Variants in TTLL11 observed in about 807,000 individuals in gnomAD.
TTLL11 encodes the protein tubulin polyglutamylase TTLL11.
In TTLL11, 42 loss-of-function variants were observed where a neutral mutation model predicts 51.7. That is an observed-to-expected ratio of 0.81 (90% CI 0.64 to 1.05). TTLL11 has a LOEUF of 1.05. Among genes scored for constraint, TTLL11 ranks in the 50% least tolerant of loss-of-function variants. The pLI, the probability that TTLL11 is intolerant of heterozygous loss-of-function variation, is 0.00. For missense variants in TTLL11, 799 were observed against 940.4 expected (o/e 0.85, Z 1.97); for synonymous variants, 381 against 383.5 (o/e 0.99, Z 0.08).
At chr9:122,010,082 C>A (rs1035184080) in intron 3 of TTLL11, among the ~76,000 whole-genome samples, 1 of 152,074 alleles carries the variant, frequency 6.6e-6, no homozygotes, top group Non-Finnish European at 1.5e-5. Flanking sequence ...TTTTTCTTAA[C>A]ATTATTTCAT....
chr9:121,885,948 C>G (rs1016176717), intron 6 of TTLL11, among the ~76,000 whole-genome samples: 2 of 152,310 alleles, frequency 1.3e-5, no homozygotes, highest in Admixed American at 1.3e-4. Flanking sequence ...AGGCTGGCCT[C>G]TAACTCCTGG....
intron 3 of TTLL11, among the ~76,000 whole-genome samples, chr9:122,020,756 C>CAGCT (rs1041302305): frequency 2.0e-5 from 3 of 152,188 alleles, no homozygotes; most frequent in African/African-American, 4.8e-5. Flanking sequence ...AGGAGGAAGG[C>CAGCT]AGCTAGTCCT....
intron 1 of TTLL11, among the ~76,000 whole-genome samples, chr9:122,040,819 T>C (rs1420086130): frequency 5.3e-5 from 8 of 152,258 alleles, no homozygotes; most frequent in Non-Finnish European, 1.5e-5. Flanking sequence ...AACTTCCATC[T>C]ATAATTTACA....
Position 121,855,309 on chromosome 9 carries a change from AAAAC to A in TTLL11, c.1840+5024_1840+5027del, listed in dbSNP as rs1343316407. ...ATGCACCTGAGGTCTAATAAAACACAAAACAAACAATCAAAAGCAAATTTATTTA... is the reference window on the plus strand; with the variant it reads ...ATGCACCTGAGGTCTAATAAAACACAAAACAATCAAAAGCAAATTTATTTA... On this transcript the variant is annotated intron_variant, in intron 8 of 8. Transcript: ENST00000321582. 3.3e-5 allele frequency among the ~76,000 whole-genome samples: 5 copies of A among 152,242 alleles called. No individual in the cohort carries two copies. In the East Asian group the frequency reaches 5.8e-4, roughly 18 times the overall value.
chr9:122,068,470 T>C (rs765393151), intron 1 of TTLL11, among the ~76,000 whole-genome samples: 10 of 152,328 alleles, frequency 6.6e-5, no homozygotes, highest in South Asian at 2.1e-4. Flanking sequence ...CACATAGTAT[T>C]AATAGTAATA....
At position 121,890,586 on chromosome 9, in the gene TTLL11, C is replaced by T. The variant is rs183376173; in HGVS notation, c.1482-19838G>A. ...TCTCCCTGCTTCATTTTCTCCATAG[C>T]GCTCATCACCACTCATCACAGTATA... On this transcript the variant is annotated intron_variant, in intron 6 of 8. Coordinates refer to ENST00000321582, the MANE Select transcript of TTLL11 (RefSeq NM_001139442.2). The surrounding 1 kb of genome is among the most constrained non-coding windows in gnomAD (Gnocchi z 4.3). 1.3e-5 allele frequency among the ~76,000 whole-genome samples: 2 copies of T among 152,300 alleles called. No individual in the cohort carries two copies. The highest frequency in any genetic ancestry group is 1.9e-4 in the East Asian group (1 of 5,180).
intron 8 of TTLL11, among the ~76,000 whole-genome samples, chr9:121,832,307 G>T (rs1479576173): frequency 2.6e-5 from 4 of 152,062 alleles, no homozygotes; most frequent in Non-Finnish European, 5.9e-5. Flanking sequence ...AAAAATATAA[G>T]CAATCCTACA....
At chr9:122,012,014 A>C (rs1330931879) in intron 3 of TTLL11, among the ~76,000 whole-genome samples, 1 of 152,232 alleles carries the variant, frequency 6.6e-6, no homozygotes, top group African/African-American at 2.4e-5. Flanking sequence ...ATTTGATTAC[A>C]TCACCTTTCT....
intron 3 of TTLL11, among the ~76,000 whole-genome samples, chr9:122,007,961 G>C (rs1196165078): frequency 6.6e-6 from 1 of 152,186 alleles, no homozygotes; most frequent in Non-Finnish European, 1.5e-5. Context: ...TAATAAGACA[G>C]AAGGACATCA....
chr9:121,872,853 T>C (rs1838403993), intron 6 of TTLL11, among the ~76,000 whole-genome samples: 1 of 152,192 alleles, frequency 6.6e-6, no homozygotes, highest in Non-Finnish European at 1.5e-5. Flanking sequence ...CCTGACTCCT[T>C]GGGAGAGGCG....
intron 4 of TTLL11, among the ~76,000 whole-genome samples, chr9:121,978,444 A>G (rs1220371224): frequency 6.7e-6 from 1 of 148,578 alleles, no homozygotes; most frequent in Non-Finnish European, 1.5e-5. Flanking sequence ...TTCCCAAGGA[A>G]AAAGCTTTAT....
intron 6 of TTLL11, among the ~76,000 whole-genome samples, chr9:121,960,622 CT>C (rs1444216121): frequency 3.9e-5 from 6 of 152,168 alleles, no homozygotes; most frequent in Non-Finnish European, 7.3e-5. Context: ...AGCACAGAAC[CT>C]ACATGTAGCA....
At chr9:122,063,061 T>C (rs2131875857) in intron 1 of TTLL11, among the ~76,000 whole-genome samples, 1 of 152,284 alleles carries the variant, frequency 6.6e-6, no homozygotes, top group East Asian at 1.9e-4. Context: ...GATTACAAGC[T>C]TGGGCCACCG....
chr9:121,973,945 T>G (rs998341406), intron 6 of TTLL11, 64 bp downstream of exon 6: 1 of 1,212,526 alleles, frequency 8.2e-7, no homozygotes, highest in African/African-American at 1.5e-5. Context: ...CTTACCTGCT[T>G]AGGATACGAA....
intron 3 of TTLL11, among the ~76,000 whole-genome samples, chr9:122,007,009 A>AAC (rs58990396): frequency 7.6e-5 from 11 of 144,486 alleles, no homozygotes; most frequent in African/African-American, 2.6e-4. Context: ...AAAAAAAAAA[A>AAC]CTTTTCCTTA....
chr9:122,081,541 G>C (rs1332007256), intron 1 of TTLL11, among the ~76,000 whole-genome samples: 2 of 152,192 alleles, frequency 1.3e-5, no homozygotes, highest in Admixed American at 6.5e-5. Context: ...AGTCATGTTA[G>C]ATAAATCTAT....
At chr9:121,908,931 G>T (rs2131495196) in intron 6 of TTLL11, among the ~76,000 whole-genome samples, 1 of 152,288 alleles carries the variant, frequency 6.6e-6, no homozygotes, top group South Asian at 2.1e-4. Context: ...GTTACTTGGG[G>T]TTAGGATTTC....
chr9:122,093,153 C>T lies in TTLL11; in HGVS notation c.-5G>A, dbSNP rs1241314214. ...CTCGGAGCTGCCCCGCCGCATGGTG[C>T]TCAGGGCCGGGGCCAGTGCCAGTGC... On this transcript the variant is annotated 5_prime_UTR_variant, in exon 1 of 9. Coordinates refer to ENST00000321582, the MANE Select transcript of TTLL11 (RefSeq NM_001139442.2). 2.7e-6 allele frequency: 4 copies of T among 1,494,914 alleles called. No individual in the cohort carries two copies. The highest frequency in any genetic ancestry group is 1.2e-5 in the South Asian group (1 of 80,374). The allele number at this position is 1,494,914 out of a possible 1,614,324, so 92.6% of individuals were successfully genotyped here. A position where few individuals can be genotyped will look rare whatever the true frequency, so the allele number is the denominator to read the frequency against.
intron 6 of TTLL11, among the ~76,000 whole-genome samples, chr9:121,935,722 A>G (rs150775533): frequency 1.7e-3 from 260 of 152,284 alleles, no homozygotes; most frequent in Non-Finnish European, 4.4e-4. Context: ...AAAGATGGAG[A>G]GAATTACAAA....
Sources: gnomAD v4.1 joint callset for allele counts (sites outside exome capture counted in the v4.1 genomes callset) on GRCh38, gnomAD v4.1.1 for gene constraint, Gnocchi (gnomAD v3.1) non-coding constraint, MANE v1.5 for transcripts, NCBI Gene and HGNC (gene_info 2026-07-23, HGNC 2026-07-21) for gene names.